The following ORC4 variants were observed in gnomAD, a reference collection of about 807,000 sequenced individuals.
ORC4 encodes the protein origin recognition complex, subunit 4 homolog.
A neutral mutation model predicts 63.9 loss-of-function variants in ORC4; 55 were observed. The ratio of observed to expected loss-of-function variants is 0.86; its 90% CI spans 0.69 to 1.08. The LOEUF is 1.08. Ranked by LOEUF, ORC4 falls within the 50% of genes least tolerant of loss-of-function variation. ORC4 has a pLI of 0.00. For missense variants in ORC4, 511 were observed against 504.4 expected (o/e 1.01, Z -0.13); for synonymous variants, 150 against 168.5 (o/e 0.89, Z 0.85).
At chr2:147,992,675 G>C (rs149047793) in intron 1 of ORC4, among the ~76,000 whole-genome samples, 520 of 152,244 alleles carry the variant, frequency 3.4e-3, no homozygotes, top group East Asian at 8.3e-3. Context: ...TTACAGACTT[G>C]AGTTTACTTA....
chr2:147,985,958 C>A (rs1165975176), intron 1 of ORC4, among the ~76,000 whole-genome samples: 1 of 152,080 alleles, frequency 6.6e-6, no homozygotes, highest in East Asian at 1.9e-4. Context: ...TCATCAAAAT[C>A]ATCACTGGGC....
chr2:147,962,700 G>T (rs1208459653), intron 4 of ORC4, among the ~76,000 whole-genome samples: 1 of 152,056 alleles, frequency 6.6e-6, no homozygotes, highest in African/African-American at 2.4e-5. Flanking sequence ...AGAAGGAGAG[G>T]CCCCCGAGCA....
chr2:148,003,975 A>G (rs900734346), intron 1 of ORC4, among the ~76,000 whole-genome samples: 8 of 152,218 alleles, frequency 5.3e-5, no homozygotes, highest in African/African-American at 1.7e-4. Context: ...ATAGACAAAC[A>G]GAGAGCCAAG....
At position 147,934,888 on chromosome 2, in the gene ORC4, C is replaced by G. The variant is rs1342683505; in HGVS notation, c.*622G>C. 1 of 152,272 alleles carries G rather than the reference C, an allele frequency of 6.6e-6. No homozygotes were observed. The highest frequency in any genetic ancestry group is 1.5e-5 in the Non-Finnish European group (1 of 68,164). 9.4% of individuals were successfully genotyped at this position (152,272 alleles called of 1,614,324 possible). A position where few individuals can be genotyped will look rare whatever the true frequency, so the allele number is the denominator to read the frequency against. ...TCCTTTTGACCTATGGTAGGCTCAA[C>G]AATCTGTAATTTTAGAAAATCCTAC... is the stretch of plus-strand genomic sequence containing the variant. On this transcript the variant is annotated 3_prime_UTR_variant, in exon 14 of 14. Coordinates refer to ENST00000392857, the MANE Select transcript of ORC4 (RefSeq NM_181741.4).
At chr2:148,019,832 T>A (rs1337951113) in intron 1 of ORC4, among the ~76,000 whole-genome samples, 2 of 152,090 alleles carry the variant, frequency 1.3e-5, no homozygotes, top group Non-Finnish European at 2.9e-5. Context: ...CTTTCTTAAA[T>A]ATTTTGAGTT....
At chr2:148,006,120 C>A (rs1256442894) in intron 1 of ORC4, among the ~76,000 whole-genome samples, 1 of 152,166 alleles carries the variant, frequency 6.6e-6, no homozygotes, top group Non-Finnish European at 1.5e-5. Context: ...ACTACACCAA[C>A]CCTCCTCCAA....
rs1286597082 is a variant in ORC4, at chr2:147,934,216, T to G, written c.*1294A>C. On this transcript the variant is annotated 3_prime_UTR_variant, in exon 14 of 14. Coordinates refer to ENST00000392857, the MANE Select transcript of ORC4 (RefSeq NM_181741.4). ...CAGGGCCTCTAATAGTTAAATAGAT[T>G]GTAAGCTGCACAAGCATAGGGACAG... 6.6e-6 allele frequency: 1 copy of G among 152,174 alleles called. No homozygotes were observed. The highest frequency in any genetic ancestry group is 2.4e-5 in the African/African-American group (1 of 41,454). 9.4% of individuals were successfully genotyped at this position (152,174 alleles called of 1,614,324 possible). A position where few individuals can be genotyped will look rare whatever the true frequency, so the allele number is the denominator to read the frequency against.
chr2:147,975,791 G>T, intron 2 of ORC4, 111 bp downstream of exon 2: 1 of 756,746 alleles, frequency 1.3e-6, no homozygotes, highest in South Asian at 1.4e-5. Context: ...AGGTTAGAAA[G>T]AGTGATTCTT....
At position 147,958,287 on chromosome 2, in the gene ORC4, A is replaced by G. The variant is rs760336875; in HGVS notation, c.387+11T>C. The G allele has an allele frequency of 2.0e-6, 3 of 1,525,652 alleles. No homozygotes were observed. Among genetic ancestry groups the G allele is most frequent in the Admixed American group, 3.3e-5 (2 of 59,816 alleles). The allele number at this position is 1,525,652 out of a possible 1,614,324, so 94.5% of individuals were successfully genotyped here. On this transcript the variant is annotated intron_variant, in intron 6 of 13. Transcript: ENST00000392857. ...AAGTCTATTTAATAAAATAACTGAA[A>G]TGATACTTACAAAAACTTTATCTCC...
At chr2:147,991,709 T>A (rs1447741118) in intron 1 of ORC4, among the ~76,000 whole-genome samples, 3 of 152,028 alleles carry the variant, frequency 2.0e-5, no homozygotes, top group African/African-American at 7.2e-5. Context: ...GTACCTGTAA[T>A]CCCAGATACT....
chr2:148,009,235 GA>G lies in ORC4; in HGVS notation c.-18+11397del, dbSNP rs35898574. Among the ~76,000 whole-genome samples, 4 of 151,646 alleles carry G rather than the reference GA, an allele frequency of 2.6e-5. No individual in the cohort carries two copies. The South Asian group carries it at 6.2e-4, about 24-fold the overall frequency. On this transcript the variant is annotated intron_variant, in intron 1 of 13. Transcript: ENST00000392857. ...AATAATTATCACAAAGGAAAACAAG[GA>G]AAAAAATGGGGGAAAAGCCCTAGAA...
Position 147,930,853 on chromosome 2 carries a change from T to C in ORC4, c.*4657A>G, listed in dbSNP as rs1472471620. 1.6e-5 allele frequency: 2 copies of C among 127,234 alleles called. No homozygotes were observed. Among genetic ancestry groups the C allele is most frequent in the Non-Finnish European group, 3.2e-5 (2 of 61,900 alleles). The allele number at this position is 127,234 out of a possible 1,614,324, so 7.9% of individuals were successfully genotyped here. Reference sequence around the variant, plus strand: ...TTTGCATATGCAGTTTTTCTTTAGCTATGTTTTTTTTTTTTTTTATACTTT... The same window carrying C: ...TTTGCATATGCAGTTTTTCTTTAGCCATGTTTTTTTTTTTTTTTATACTTT... On this transcript the variant is annotated 3_prime_UTR_variant, in exon 14 of 14. Transcript: ENST00000392857.
intron 4 of ORC4, among the ~76,000 whole-genome samples, chr2:147,965,250 G>GA (rs1689834348): frequency 6.6e-6 from 1 of 151,596 alleles, no homozygotes; most frequent in Non-Finnish European, 1.5e-5. Context: ...GAAACAACCA[G>GA]AAAACAATCA....
chr2:147,975,194 C>T lies in ORC4; in HGVS notation c.57+708G>A, dbSNP rs190034870. ...AATGCCAGGGTAGAAATACCATGCT[C>T]ATTTCCCTACTAATCTATAAGCTTC... On this transcript the variant is annotated intron_variant, in intron 2 of 13. Coordinates refer to ENST00000392857, the MANE Select transcript of ORC4 (RefSeq NM_181741.4). Among the ~76,000 whole-genome samples the T allele has an allele frequency of 7.0e-4, 107 of 152,248 alleles. 1 individual carries two copies. Among genetic ancestry groups the T allele is most frequent in the Admixed American group, 1.3e-3 (20 of 15,286 alleles).
chr2:147,972,490 A>G (rs1342365922), intron 4 of ORC4, among the ~76,000 whole-genome samples: 1 of 152,082 alleles, frequency 6.6e-6, no homozygotes, highest in Non-Finnish European at 1.5e-5. Context: ...ATCAATTGAC[A>G]ATTTTTCACT....
chr2:147,976,158 A>T (rs17218945), intron 1 of ORC4, among the ~76,000 whole-genome samples, 183 bp from the exon 2 acceptor site: 11 of 152,168 alleles, frequency 7.2e-5, no homozygotes, highest in Non-Finnish European at 1.0e-4. Flanking sequence ...ACACTCTCAT[A>T]CCACACTTTA....
chr2:147,992,718 A>G (rs1691696857), intron 1 of ORC4, among the ~76,000 whole-genome samples: 1 of 152,170 alleles, frequency 6.6e-6, no homozygotes, highest in South Asian at 2.1e-4. Context: ...GGCTAAGGAA[A>G]TGATACTCCA....
chr2:147,994,586 G>A (rs1393779513), intron 1 of ORC4, among the ~76,000 whole-genome samples: 1 of 152,158 alleles, frequency 6.6e-6, no homozygotes, highest in African/African-American at 2.4e-5. Context: ...ATTCAATGGA[G>A]AAAAGAACAA....
Position 147,935,430 on chromosome 2 carries a change from A to G in ORC4, c.*80T>C. 7 of 1,017,140 alleles carry G rather than the reference A, an allele frequency of 6.9e-6. No individual in the cohort carries two copies. Among genetic ancestry groups the G allele is most frequent in the East Asian group, 4.8e-5 (2 of 41,894 alleles). 63.0% of individuals were successfully genotyped at this position (1,017,140 alleles called of 1,614,324 possible). ...CAAGAATGTTTATAGAATGTTTAGC[A>G]TATCATGTTAATGGACAATAGTTTT... On this transcript the variant is annotated 3_prime_UTR_variant, in exon 14 of 14. Coordinates refer to ENST00000392857, the MANE Select transcript of ORC4 (RefSeq NM_181741.4).
Sources: gnomAD v4.1 joint callset for allele counts (sites outside exome capture counted in the v4.1 genomes callset) on GRCh38, gnomAD v4.1.1 for gene constraint, MANE v1.5 for transcripts, NCBI Gene and HGNC (gene_info 2026-07-23, HGNC 2026-07-21) for gene names.